Variants in HECTD2 observed in about 807,000 individuals in gnomAD.
The protein encoded by HECTD2 is HECT domain E3 ubiquitin protein ligase 2.
HECTD2 carries 35 observed loss-of-function variants against 103.2 expected under a neutral mutation model. That is an observed-to-expected ratio of 0.34 (90% CI 0.26 to 0.45). The LOEUF is 0.45. Among genes scored for constraint, HECTD2 ranks in the 20% least tolerant of loss-of-function variants. The pLI, the probability that HECTD2 is intolerant of heterozygous loss-of-function variation, is 1.00. For missense variants in HECTD2, 596 were observed against 937.4 expected (o/e 0.64, Z 4.76); for synonymous variants, 281 against 329.9 (o/e 0.85, Z 1.61).
chr10:91,469,457 C>T (rs1417282119), intron 5 of HECTD2, among the ~76,000 whole-genome samples: 1 of 152,204 alleles, frequency 6.6e-6, no homozygotes, highest in Non-Finnish European at 1.5e-5. Flanking sequence ...ATTCAGCATT[C>T]TTAACAAAAA....
chr10:91,457,979 GAAAT>G (rs1249006158), intron 2 of HECTD2, among the ~76,000 whole-genome samples: 1 of 121,780 alleles, frequency 8.2e-6, no homozygotes, highest in Non-Finnish European at 1.7e-5. Context: ...TAGAAAATAA[GAAAT>G]AAGACTTTCC....
chr10:91,481,150 C>G lies in HECTD2; in HGVS notation c.711+11C>G, dbSNP rs1045053538. ...TTTATACTTTTACAGGTAAGAGAACCAGAACCTAGTTGAAGTTGTCTAAGT... is the reference window on the plus strand; with the variant it reads ...TTTATACTTTTACAGGTAAGAGAACGAGAACCTAGTTGAAGTTGTCTAAGT... On this transcript the variant is annotated intron_variant, in intron 7 of 20. Coordinates refer to ENST00000298068, the MANE Select transcript of HECTD2 (RefSeq NM_182765.6). 7.4e-6 allele frequency: 11 copies of G among 1,485,022 alleles called. No homozygotes were observed. Among genetic ancestry groups the G allele is most frequent in the Non-Finnish European group, 8.3e-6 (9 of 1,084,756 alleles). The allele number at this position is 1,485,022 out of a possible 1,614,324, so 92.0% of individuals were successfully genotyped here.
chr10:91,499,985 G>A (rs754842127), intron 18 of HECTD2, among the ~76,000 whole-genome samples: 3 of 152,136 alleles, frequency 2.0e-5, no homozygotes, highest in Non-Finnish European at 4.4e-5. Context: ...GGTAATTGTG[G>A]GAGTGGACAG....
chr10:91,412,183 TAATGA>T (rs1390529296), intron 1 of HECTD2, among the ~76,000 whole-genome samples: 4 of 152,192 alleles, frequency 2.6e-5, no homozygotes, highest in Admixed American at 6.5e-5. Flanking sequence ...TTAATAACTG[TAATGA>T]AATTATGTGT....
chr10:91,491,825 C>T (rs1484186992), intron 12 of HECTD2, among the ~76,000 whole-genome samples: 5 of 152,108 alleles, frequency 3.3e-5, no homozygotes, highest in East Asian at 3.9e-4. Flanking sequence ...TGGCTGATTC[C>T]GCTATGTGAT....
At chr10:91,424,085 A>C (rs987860200) in intron 1 of HECTD2, among the ~76,000 whole-genome samples, 2 of 152,158 alleles carry the variant, frequency 1.3e-5, no homozygotes, top group African/African-American at 4.8e-5. Flanking sequence ...TGTTTCACAT[A>C]GTCACTCAAG....
At chr10:91,413,151 A>G (rs1331642837) in intron 1 of HECTD2, among the ~76,000 whole-genome samples, 1 of 152,134 alleles carries the variant, frequency 6.6e-6, no homozygotes, top group African/African-American at 2.4e-5. Context: ...ATGAATATAT[A>G]TGAATAAAAT....
chr10:91,484,340 T>A (rs1231208448), intron 8 of HECTD2, 167 bp from the exon 9 acceptor site: 1 of 1,382,434 alleles, frequency 7.2e-7, no homozygotes, highest in Non-Finnish European at 9.8e-7. Context: ...GAAGACAGTA[T>A]TCAAGGTAAG....
At chr10:91,421,627 T>G (rs1843362800) in intron 1 of HECTD2, among the ~76,000 whole-genome samples, 2 of 152,268 alleles carry the variant, frequency 1.3e-5, no homozygotes, top group South Asian at 4.2e-4. Flanking sequence ...TCGTTATAGG[T>G]TTTCTGTTGA....
At chr10:91,490,965 A>T (rs1846457001) in intron 11 of HECTD2, among the ~76,000 whole-genome samples, 1 of 151,138 alleles carries the variant, frequency 6.6e-6, no homozygotes. Context: ...TTTATTACAG[A>T]AGGTGAATTA....
intron 2 of HECTD2, among the ~76,000 whole-genome samples, chr10:91,439,099 T>C (rs1375220351): frequency 6.6e-6 from 1 of 152,236 alleles, no homozygotes; most frequent in Non-Finnish European, 1.5e-5. Context: ...CATTTGTCAA[T>C]TTTGGCTTTT....
intron 2 of HECTD2, among the ~76,000 whole-genome samples, chr10:91,459,222 A>G (rs888666064): frequency 6.6e-6 from 1 of 152,066 alleles, no homozygotes; most frequent in African/African-American, 2.4e-5. Flanking sequence ...GCTGGTGAGT[A>G]TGTAGAGAAA....
At position 91,421,257 on chromosome 10, in the gene HECTD2, CT is replaced by C. The variant is rs374587906; in HGVS notation, c.139-4014del. On this transcript the variant is annotated intron_variant, in intron 1 of 20. Coordinates refer to ENST00000298068, the MANE Select transcript of HECTD2 (RefSeq NM_182765.6). ...CTCTTCATTATTTAACATTATTGAC[CT>C]TTTTTTTTTCTTGAAACTTTATCCT... 2.5e-3 allele frequency among the ~76,000 whole-genome samples: 379 copies of C among 149,698 alleles called. 3 individuals carry two copies. Among genetic ancestry groups the C allele is most frequent in the African/African-American group, 7.9e-3 (325 of 40,932 alleles).
At chr10:91,493,323 T>C (rs575907748) in intron 13 of HECTD2, 97 bp from the exon 14 acceptor site, 1 of 523,876 alleles carries the variant, frequency 1.9e-6, no homozygotes, top group South Asian at 5.4e-5. Context: ...GTTGAATTGA[T>C]TAGCTTCTAA....
chr10:91,456,770 A>T (rs1190767386), intron 2 of HECTD2, among the ~76,000 whole-genome samples: 1 of 152,128 alleles, frequency 6.6e-6, no homozygotes, highest in East Asian at 1.9e-4. Flanking sequence ...AAGTTTCAAA[A>T]CAAATATCTA....
intron 7 of HECTD2, among the ~76,000 whole-genome samples, chr10:91,482,104 A>AG (rs1476279637): frequency 6.6e-6 from 1 of 151,882 alleles, no homozygotes; most frequent in Non-Finnish European, 1.5e-5. Flanking sequence ...CTCAGATTTT[A>AG]GGTGAGTATA....
chr10:91,507,490 C>T (rs1170372834), intron 20 of HECTD2, among the ~76,000 whole-genome samples: 3 of 151,292 alleles, frequency 2.0e-5, no homozygotes, highest in African/African-American at 7.3e-5. Context: ...AACAGACAAA[C>T]AGCCAAATCA....
At position 91,481,091 on chromosome 10, in the gene HECTD2, C is replaced by T. The variant is rs1010659810; in HGVS notation, c.666-3C>T. On this transcript the variant is annotated splice_polypyrimidine_tract_variant and splice_region_variant and intron_variant, in intron 6 of 20. Coordinates refer to ENST00000298068, the MANE Select transcript of HECTD2 (RefSeq NM_182765.6). ...TAATAAATTATTCTTGTTTCTTTTT[C>T]AGTCCACGAACAAAAGATGATCTTA... The T allele has an allele frequency of 5.4e-6, 8 of 1,468,896 alleles. No individual in the cohort carries two copies. Among genetic ancestry groups the T allele is most frequent in the Non-Finnish European group, 7.5e-6 (8 of 1,066,428 alleles). 91.0% of individuals were successfully genotyped at this position (1,468,896 alleles called of 1,614,324 possible).
rs56923120 is a variant in HECTD2, at chr10:91,497,126, A to AT, written c.1680+783dup. 5.8e-3 allele frequency among the ~76,000 whole-genome samples: 568 copies of AT among 97,350 alleles called. 9 individuals are homozygous for AT. Among genetic ancestry groups the AT allele is most frequent in the East Asian group, 0.01 (38 of 3,640 alleles). The allele number at this position is 97,350 out of a possible 152,430, so 63.9% of individuals were successfully genotyped here. A position where few individuals can be genotyped will look rare whatever the true frequency, so the allele number is the denominator to read the frequency against. ...AGGCATGTGCCACCGTGCCCGGCAA[A>AT]TTTTTTTTTTTTTTTTTTTTTTTTT... On this transcript the variant is annotated intron_variant, in intron 15 of 20. Transcript: ENST00000298068.
Sources: gnomAD v4.1 joint callset for allele counts (sites outside exome capture counted in the v4.1 genomes callset) on GRCh38, gnomAD v4.1.1 for gene constraint, MANE v1.5 for transcripts, NCBI Gene and HGNC (gene_info 2026-07-23, HGNC 2026-07-21) for gene names.